SLC9B1: variants seen among roughly 807,000 people sequenced by gnomAD.
SLC9B1 encodes solute carrier family 9 member B1.
Under a neutral mutation model 51.7 loss-of-function variants are expected in SLC9B1, and 32 were observed. The observed-to-expected ratio is 0.62, with a 90% CI of 0.47 to 0.83. SLC9B1 has a LOEUF of 0.83. Among genes scored for constraint, SLC9B1 ranks in the 40% least tolerant of loss-of-function variants. The pLI, the probability that SLC9B1 is intolerant of heterozygous loss-of-function variation, is 0.00. For missense variants in SLC9B1, 406 were observed against 613.2 expected (o/e 0.66, Z 3.57); for synonymous variants, 145 against 212.7 (o/e 0.68, Z 2.77).
chr4:102,929,556 T>C (rs1412204304), intron 7 of SLC9B1, among the ~76,000 whole-genome samples: 1 of 152,110 alleles, frequency 6.6e-6, no homozygotes, highest in Non-Finnish European at 1.5e-5. Context: ...AGTCTCCCCC[T>C]GTCACCCAGG....
chr4:102,994,320 C>G (rs1740105847), intron 1 of SLC9B1, among the ~76,000 whole-genome samples: 1 of 152,202 alleles, frequency 6.6e-6, no homozygotes, highest in African/African-American at 2.4e-5. Flanking sequence ...TGCCACCAGT[C>G]TCTTTGCTAA....
chr4:102,973,291 T>C (rs536424212), intron 3 of SLC9B1, among the ~76,000 whole-genome samples: 2 of 152,260 alleles, frequency 1.3e-5, no homozygotes, highest in Non-Finnish European at 2.9e-5. Flanking sequence ...AATATATGGC[T>C]GGTATAGCTA....
At chr4:103,018,790 C>T (rs1261990392) in intron 1 of SLC9B1, among the ~76,000 whole-genome samples, 2 of 152,130 alleles carry the variant, frequency 1.3e-5, no homozygotes, top group African/African-American at 2.4e-5. Context: ...AGCAGGGATC[C>T]CCAACCCCTG....
chr4:103,014,255 A>G (rs759427740), intron 1 of SLC9B1, among the ~76,000 whole-genome samples: 2 of 151,596 alleles, frequency 1.3e-5, no homozygotes, highest in Non-Finnish European at 2.9e-5. Context: ...CAACACCAAC[A>G]CTCTTGCTTT....
At chr4:103,004,039 G>A (rs1205952189) in intron 1 of SLC9B1, among the ~76,000 whole-genome samples, 4 of 152,160 alleles carry the variant, frequency 2.6e-5, no homozygotes, top group Non-Finnish European at 4.4e-5. Context: ...AGATGCCCGA[G>A]TATCTTCTTA....
At chr4:102,891,771 C>A (rs946942701) in intron 11 of SLC9B1, 2 of 152,088 alleles carry the variant, frequency 1.3e-5, no homozygotes, top group African/African-American at 2.4e-5. Flanking sequence ...AAAGCAGTAG[C>A]AATTTAAGTC....
At chr4:102,964,557 T>G (rs1440431218) in intron 3 of SLC9B1, among the ~76,000 whole-genome samples, 1 of 152,164 alleles carries the variant, frequency 6.6e-6, no homozygotes, top group Non-Finnish European at 1.5e-5. Flanking sequence ...AACCAAATAT[T>G]AGTAAATGTA....
chr4:102,897,698 C>G, downstream of SLC9B1: 1 of 412,224 alleles, frequency 2.4e-6, no homozygotes. Flanking sequence ...AAAATATGCC[C>G]AAGCCACTCC....
At chr4:102,994,268 C>T (rs575031562) in intron 1 of SLC9B1, among the ~76,000 whole-genome samples, 1 of 152,156 alleles carries the variant, frequency 6.6e-6, no homozygotes, top group African/African-American at 2.4e-5. Flanking sequence ...AATTATCACT[C>T]TCAAGTTCAA....
chr4:102,990,148 T>C (rs535668054), intron 2 of SLC9B1, among the ~76,000 whole-genome samples: 1 of 152,154 alleles, frequency 6.6e-6, no homozygotes, highest in East Asian at 1.9e-4. Context: ...ATTGAACCTT[T>C]TATAGACTTG....
At chr4:103,003,750 C>T (rs768582404) in intron 1 of SLC9B1, among the ~76,000 whole-genome samples, 5 of 152,106 alleles carry the variant, frequency 3.3e-5, no homozygotes, top group Non-Finnish European at 5.9e-5. Context: ...ACAGCAGGTT[C>T]CTAACCTTGA....
At chr4:102,982,464 G>A (rs1294356259) in intron 3 of SLC9B1, among the ~76,000 whole-genome samples, 1 of 152,068 alleles carries the variant, frequency 6.6e-6, no homozygotes, top group Non-Finnish European at 1.5e-5. Flanking sequence ...TTTTGATTGG[G>A]ATTGCATTGA....
rs565243000 is a variant in SLC9B1, at chr4:102,958,557, G to A, written c.212-9130C>T. The stretch of plus-strand genomic sequence containing the variant: ...TCCCAGCTACTTGACAGGCAAAGGT[G>A]AGAGGACTGATTGAGCCCAGGAGTT... On this transcript the variant is annotated intron_variant, in intron 3 of 11. Transcript: ENST00000296422. Among the ~76,000 whole-genome samples, 3 of 152,208 alleles carry A rather than the reference G, an allele frequency of 2.0e-5. No homozygotes were observed. The South Asian group carries it at 6.2e-4, about 32-fold the overall frequency.
chr4:102,940,527 A>AAAC lies in SLC9B1; in HGVS notation c.653+4665_653+4666insGTT, dbSNP rs1553981495. On this transcript the variant is annotated intron_variant, in intron 6 of 11. Coordinates refer to ENST00000296422, the MANE Select transcript of SLC9B1 (RefSeq NM_139173.4). ...ATCCTAAAATTCATTTGGAGCCAAA[A>AAAC]AAACAAACAAACAAAAAAAGCCCAA... is the stretch of plus-strand genomic sequence containing the variant. Among the ~76,000 whole-genome samples, 51 of 151,968 alleles carry AAAC rather than the reference A, an allele frequency of 3.4e-4. 1 individual carries two copies. The highest frequency in any genetic ancestry group is 1.2e-3 in the South Asian group (6 of 4,820).
chr4:102,922,350 C>A (rs970205254), intron 7 of SLC9B1, among the ~76,000 whole-genome samples: 1 of 152,190 alleles, frequency 6.6e-6, no homozygotes, highest in African/African-American at 2.4e-5. Context: ...TAAAGATGTT[C>A]TTTGAAACCA....
intron 6 of SLC9B1, among the ~76,000 whole-genome samples, chr4:102,936,043 T>C (rs1736707346): frequency 6.6e-6 from 1 of 152,162 alleles, no homozygotes; most frequent in Admixed American, 6.5e-5. Context: ...TTGTTGCCAG[T>C]GGACTGGGAA....
intron 1 of SLC9B1, among the ~76,000 whole-genome samples, chr4:102,992,679 C>T (rs550649457): frequency 6.6e-6 from 1 of 152,110 alleles, no homozygotes; most frequent in African/African-American, 2.4e-5. Flanking sequence ...TGATCAGAAA[C>T]TTAGATCTAA....
At chr4:102,996,748 T>C (rs554832393) in intron 1 of SLC9B1, among the ~76,000 whole-genome samples, 1 of 152,248 alleles carries the variant, frequency 6.6e-6, no homozygotes, top group South Asian at 2.1e-4. Flanking sequence ...CCTGTTCCAC[T>C]GGCCCATTTG....
At chr4:102,998,781 T>C (rs1022149758) in intron 1 of SLC9B1, among the ~76,000 whole-genome samples, 1 of 152,204 alleles carries the variant, frequency 6.6e-6, no homozygotes, top group African/African-American at 2.4e-5. Flanking sequence ...TAATGATTAA[T>C]GAGGTTGAGT....
Sources: allele counts gnomAD v4.1 joint callset (sites outside exome capture counted in the v4.1 genomes callset), GRCh38; gene constraint gnomAD v4.1.1; transcripts MANE v1.5; gene names NCBI Gene and HGNC (gene_info 2026-07-23, HGNC 2026-07-21).